HELLS: variants seen among roughly 807,000 people sequenced by gnomAD.
HELLS encodes helicase, lymphoid specific.
In HELLS, 32 loss-of-function variants were observed where a neutral mutation model predicts 120.0. The observed-to-expected ratio is 0.27, with a 90% confidence interval of 0.20 to 0.36. The LOEUF (loss-of-function observed/expected upper bound fraction) is 0.36. HELLS is among the 10% of genes least tolerant of loss of function. HELLS has a pLI of 1.00. For synonymous variants in HELLS, 341 were observed against 323.4 expected, an observed-to-expected ratio of 1.05 and a Z score of -0.58; for missense variants, 650 against 993.4, an observed-to-expected ratio of 0.65 and a Z score of 4.65.
intron 2 of HELLS, among the ~76,000 whole-genome samples, chr10:94,548,323 A>G (rs1055856717): frequency 1.3e-5 from 2 of 152,238 alleles, no homozygotes; most frequent in African/African-American, 4.8e-5. Flanking sequence ...AGTGCCCAGA[A>G]TGGAATCAAC....
At chr10:94,573,023 G>A (rs1032463166) in intron 7 of HELLS, among the ~76,000 whole-genome samples, 2 of 151,328 alleles carry the variant, frequency 1.3e-5, no homozygotes, top group East Asian at 2.0e-4. Flanking sequence ...GCAATGGCAC[G>A]ATCTCGGCTC....
intron 7 of HELLS, among the ~76,000 whole-genome samples, chr10:94,572,085 A>C (rs1844205906): frequency 6.6e-6 from 1 of 152,168 alleles, no homozygotes. Flanking sequence ...TTTTGTCCAA[A>C]ATTTATATTG....
intron 1 of HELLS, 97 bp downstream of exon 1, chr10:94,546,049 C>G: frequency 2.9e-6 from 4 of 1,385,316 alleles, no homozygotes; most frequent in Non-Finnish European, 4.0e-6. Flanking sequence ...GGGAGCCGAC[C>G]CCGGGCAGGG....
At chr10:94,553,947 C>G (rs1843112564) in intron 2 of HELLS, among the ~76,000 whole-genome samples, 179 bp from the exon 3 acceptor site, 1 of 152,080 alleles carries the variant, frequency 6.6e-6, no homozygotes. Context: ...TTGCATCTAT[C>G]AGATTGCCTG....
chr10:94,577,124 T>C (rs780278498), intron 10 of HELLS: 11 of 458,456 alleles, frequency 2.4e-5, no homozygotes, highest in Middle Eastern at 3.2e-4. Context: ...AATTTACTTA[T>C]CGTATTTTAA....
At chr10:94,609,157 G>A (rs774126611) in intron 9 of HELLS, among the ~76,000 whole-genome samples, 39 of 151,554 alleles carry the variant, frequency 2.6e-4, no homozygotes, top group Non-Finnish European at 2.4e-4. Context: ...CCGAGTAGGT[G>A]GCATTACAGG....
downstream of HELLS, among the ~76,000 whole-genome samples, chr10:94,606,326 GT>G (rs1330574157): frequency 6.6e-6 from 1 of 151,930 alleles, no homozygotes; most frequent in African/African-American, 2.4e-5. Context: ...TTTTGAATGT[GT>G]GGTCCCTTCT....
chr10:94,598,486 T>TA (rs1332489584), intron 21 of HELLS, among the ~76,000 whole-genome samples: 7 of 152,176 alleles, frequency 4.6e-5, no homozygotes, highest in Non-Finnish European at 1.0e-4. Context: ...ACCCAATTGT[T>TA]AAACATTTAC....
Position 94,546,518 on chromosome 10 carries a change from C to T in HELLS, c.153+20C>T, listed in dbSNP as rs772299148. ...GAAAAGGTAATTTAGGCATCAGGTT[C>T]GTCGTCGTGAAAGCCTGTGGTAACC... is the stretch of plus-strand genomic sequence containing the variant. On this transcript the variant is annotated intron_variant, in intron 2 of 21. Coordinates refer to ENST00000348459, the MANE Select transcript of HELLS (RefSeq NM_018063.5). 1.2e-6 allele frequency: 2 copies of T among 1,613,396 alleles called. No individual in the cohort carries two copies. Among genetic ancestry groups the T allele is most frequent in the South Asian group, 1.1e-5 (1 of 91,044 alleles).
In HELLS at chr10:94,590,430, A is replaced by G. The variant is rs760556213; in HGVS notation, c.1506A>G (p.Leu502=). Residue 502 remains leucine, a synonymous_variant, in exon 14 of 22, where the codon TTA becomes TTG. Coordinates refer to ENST00000348459, the MANE Select transcript of HELLS (RefSeq NM_018063.5). ...CCTTTTAGAAAGAAACAATTGAGTT[A>G]AGTCCTACTGGTCGACCAAAACGAC... ...FGSSEKETIE[L]SPTGRPKRRT... 1.2e-6 allele frequency: 2 copies of G among 1,606,554 alleles called. No individual in the cohort carries two copies. The highest frequency in any genetic ancestry group is 2.2e-5 in the East Asian group (1 of 44,814).
intron 4 of HELLS, among the ~76,000 whole-genome samples, chr10:94,562,076 C>T (rs1029296654): frequency 9.9e-5 from 15 of 151,420 alleles, no homozygotes; most frequent in Non-Finnish European, 1.8e-4. Context: ...CCACCGCGCC[C>T]GGCCAAGATG....
At chr10:94,593,990 T>G (rs1286925876) in intron 18 of HELLS, among the ~76,000 whole-genome samples, 2 of 151,306 alleles carry the variant, frequency 1.3e-5, no homozygotes, top group Non-Finnish European at 2.9e-5. Context: ...TTTTTTTTTT[T>G]TTGAGAAGGA....
Position 94,546,379 on chromosome 10 carries a change from T to C in HELLS, c.34T>C (p.Ser12Pro). Residue 12 changes from serine (S) to proline (P), a missense_variant and splice_region_variant, in exon 2 of 22, where the codon TCG becomes CCG. Around this residue, in one of 9 missense-constraint regions of HELLS, gnomAD observed 90 missense variants for 93.6 expected, o/e 0.96. Coordinates refer to ENST00000348459, the MANE Select transcript of HELLS (RefSeq NM_018063.5). The part of the protein sequence containing the change: ...PAERPAGSGG[S>P]EAPAMVEQLD... The stretch of plus-strand genomic sequence containing the variant: ...TTGAAAGCTTTCTCCCCCGTCAGGC[T>C]CGGAGGCTCCAGCAATGGTTGAACA... The C allele has an allele frequency of 6.2e-7, 1 of 1,614,052 alleles. No individual in the cohort carries two copies. The highest frequency in any genetic ancestry group is 2.2e-5 in the East Asian group (1 of 44,888).
At chr10:94,565,268 G>A (rs1233872243) in intron 6 of HELLS, among the ~76,000 whole-genome samples, 1 of 152,204 alleles carries the variant, frequency 6.6e-6, no homozygotes, top group African/African-American at 2.4e-5. Flanking sequence ...CTGGGAGGCA[G>A]AGGTTGCAGT....
intron 4 of HELLS, among the ~76,000 whole-genome samples, chr10:94,559,384 T>C (rs1416899157): frequency 7.2e-5 from 11 of 152,174 alleles, no homozygotes; most frequent in Non-Finnish European, 1.5e-4. Flanking sequence ...GTAAGCTTCA[T>C]TGAGGCATGA....
intron 3 of HELLS, among the ~76,000 whole-genome samples, chr10:94,555,062 G>A (rs1843183224): frequency 6.6e-6 from 1 of 152,176 alleles, no homozygotes; most frequent in African/African-American, 2.4e-5. Context: ...AGGTTGGCTT[G>A]AGCCAAGGAG....
At chr10:94,603,178 G>T (rs932181391), downstream of HELLS, among the ~76,000 whole-genome samples, 5 of 152,096 alleles carry the variant, frequency 3.3e-5, no homozygotes, top group Admixed American at 6.6e-5. Flanking sequence ...TTATAACAAA[G>T]CTCCTTGAAA....
chr10:94,545,811 C>G lies in HELLS; in HGVS notation c.-111C>G, dbSNP rs1361024677. 14 of 1,282,854 alleles carry G rather than the reference C, an allele frequency of 1.1e-5. No individual in the cohort carries two copies. The highest frequency in any genetic ancestry group is 1.8e-4 in the Middle Eastern group (1 of 5,474). 79.5% of individuals were successfully genotyped at this position (1,282,854 alleles called of 1,614,324 possible). ...GCGAAGGAGAAGCGCGCTTTTTTCC[C>G]TGGCGGGGGATTTGGCTAGAAGGCT... On this transcript the variant is annotated 5_prime_UTR_variant, in exon 1 of 22. Coordinates refer to ENST00000348459, the MANE Select transcript of HELLS (RefSeq NM_018063.5).
At chr10:94,554,465 C>T (rs1388812131) in intron 3 of HELLS, among the ~76,000 whole-genome samples, 1 of 152,080 alleles carries the variant, frequency 6.6e-6, no homozygotes, top group Non-Finnish European at 1.5e-5. Flanking sequence ...ACAGTAATCC[C>T]CATGGCTGGT....
Sources: allele counts gnomAD v4.1 joint callset (sites outside exome capture counted in the v4.1 genomes callset), GRCh38; gene constraint gnomAD v4.1.1; regional missense constraint gnomAD v4.1.1; transcripts MANE v1.5; gene names NCBI Gene and HGNC (gene_info 2026-07-23, HGNC 2026-07-21).